Variants in DHX30 observed in about 807,000 individuals in gnomAD.
DHX30 encodes the protein ATP-dependent RNA helicase DHX30.
DHX30 carries 4 observed loss-of-function variants against 116.9 expected under a neutral mutation model. The ratio of observed to expected loss-of-function variants is 0.03; its 90% confidence interval spans 0.02 to 0.08. The LOEUF is 0.08. DHX30 is among the 10% of genes least tolerant of loss of function. The pLI is 1.00. For missense variants in DHX30, 871 were observed against 1,595.1 expected (o/e 0.55, Z 7.73); for synonymous variants, 697 against 651.7 (o/e 1.07, Z -1.06).
intron 3 of DHX30, chr3:47,816,779 T>G (rs2036078960): frequency 1.0e-6 from 1 of 985,300 alleles, no homozygotes; most frequent in Admixed American, 6.2e-5. Context: ...GGAGGAGGGT[T>G]GGAGTGCAGG....
Position 47,850,054 on chromosome 3 carries a change from G to T in DHX30, c.3519G>T (p.Ala1173=), listed in dbSNP as rs779415996. The T allele has an allele frequency of 1.0e-5, 16 of 1,599,646 alleles. No homozygotes were observed. Among genetic ancestry groups the T allele is most frequent in the Non-Finnish European group, 1.4e-5 (16 of 1,174,952 alleles). The change falls in exon 22 of 22, where the codon GCG becomes GCT. Residue 1173 remains alanine, a synonymous_variant. Transcript: ENST00000445061. The part of the protein sequence containing the change: ...SVQEEHGQLL[A]LLAELLRGPC... ...AGGAGGAGCACGGGCAGCTGCTTGC[G>T]CTACTGGCAGAGCTGCTGCGAGGAC...
In DHX30 at chr3:47,806,476, C is replaced by T. The variant is rs533799730; in HGVS notation, c.-28+1056C>T. On this transcript the variant is annotated intron_variant, in intron 2 of 21. Transcript: ENST00000445061. ...CTTTTTTTTTTCTGAGATGGAGTCTCACTCTGTCACCCAGGCTGGAGTACA... is the reference window on the plus strand; with the variant it reads ...CTTTTTTTTTTCTGAGATGGAGTCTTACTCTGTCACCCAGGCTGGAGTACA... Among the ~76,000 whole-genome samples, 6 of 141,882 alleles carry T rather than the reference C, an allele frequency of 4.2e-5. No individual in the cohort carries two copies. The South Asian group carries it at 9.2e-4, about 22-fold the overall frequency. The allele number at this position is 141,882 out of a possible 152,430, so 93.1% of individuals were successfully genotyped here. A position where few individuals can be genotyped will look rare whatever the true frequency, so the allele number is the denominator to read the frequency against.
intron 6 of DHX30, among the ~76,000 whole-genome samples, chr3:47,838,384 C>A (rs1463178188): frequency 1.3e-5 from 2 of 152,174 alleles, no homozygotes; most frequent in Non-Finnish European, 2.9e-5. Flanking sequence ...CATAAAAGTT[C>A]TATCATCCAG....
chr3:47,824,192 G>A (rs191500732), intron 4 of DHX30, among the ~76,000 whole-genome samples: 213 of 151,794 alleles, frequency 1.4e-3, no homozygotes, highest in African/African-American at 5.0e-3. Flanking sequence ...TAGTAGAGAT[G>A]GGGTTTCACC....
chr3:47,813,352 G>A (rs2035888804), intron 3 of DHX30, among the ~76,000 whole-genome samples: 1 of 152,102 alleles, frequency 6.6e-6, no homozygotes, highest in Non-Finnish European at 1.5e-5. Context: ...AAAACAAAAA[G>A]AAATTCTGGC....
intron 3 of DHX30, among the ~76,000 whole-genome samples, chr3:47,814,429 CA>C (rs71625837): frequency 0.47 from 44,572 of 94,214 alleles, 7,252 homozygotes; most frequent in East Asian, 0.57. Flanking sequence ...TGTCTCAAAA[CA>C]AAAAAAAAAA....
intron 3 of DHX30, among the ~76,000 whole-genome samples, chr3:47,814,021 G>T (rs1169208905): frequency 2.6e-5 from 4 of 151,058 alleles, no homozygotes; most frequent in African/African-American, 9.7e-5. Context: ...TAACCAGTGG[G>T]CTTTATTGTC....
intron 6 of DHX30, among the ~76,000 whole-genome samples, chr3:47,835,915 A>G (rs1185066627): frequency 6.6e-6 from 1 of 152,188 alleles, no homozygotes; most frequent in Non-Finnish European, 1.5e-5. Flanking sequence ...CAATGTCTGT[A>G]GGGATTTTCG....
At chr3:47,831,930 C>CTTTTTT (rs147733795) in intron 6 of DHX30, among the ~76,000 whole-genome samples, 108 of 127,416 alleles carry the variant, frequency 8.5e-4, no homozygotes, top group Middle Eastern at 4.5e-3. Context: ...TTTCCTTTTT[C>CTTTTTT]TTTTTTTTTT....
intron 3 of DHX30, among the ~76,000 whole-genome samples, chr3:47,813,891 CTTTTTTTTTTTT>C (rs71070233): frequency 3.7e-5 from 3 of 80,592 alleles, no homozygotes; most frequent in African/African-American, 9.8e-5. Context: ...TCATCCTGGG[CTTTTTTTTTTTT>C]TTTTTTTTTG....
intron 9 of DHX30, among the ~76,000 whole-genome samples, chr3:47,845,136 A>G (rs1467872965): frequency 6.6e-6 from 1 of 152,062 alleles, no homozygotes; most frequent in Non-Finnish European, 1.5e-5. Context: ...CCTTCTCCAG[A>G]CGTAGGGCTG....
intron 9 of DHX30, among the ~76,000 whole-genome samples, chr3:47,844,415 C>T (rs2107124208): frequency 6.6e-6 from 1 of 152,352 alleles, no homozygotes; most frequent in African/African-American, 2.4e-5. Flanking sequence ...TGGTAGGGGC[C>T]TGTCTGGGAA....
Position 47,849,878 on chromosome 3 carries a change from C to T in DHX30, c.3343C>T (p.Arg1115Trp), listed in dbSNP as rs998585446. 14 of 1,612,472 alleles carry T rather than the reference C, an allele frequency of 8.7e-6. No individual in the cohort carries two copies. Among genetic ancestry groups the T allele is most frequent in the Non-Finnish European group, 1.2e-5 (14 of 1,179,014 alleles). The change falls in exon 22 of 22, where the codon CGG (arginine) becomes TGG (tryptophan). Residue 1115 changes from arginine to tryptophan, a missense_variant. Arg to Trp is a moderately radical substitution (Grantham distance 101). Around this residue, in one of 13 missense-constraint regions of DHX30, gnomAD observed 238 missense variants for 481.0 expected, o/e 0.49. Coordinates refer to ENST00000445061, the MANE Select transcript of DHX30 (RefSeq NM_138615.3). ...TTCCATTCCCTCAGATGACGGGCGC[C>T]GGGCCACCATCTCACTGAGCGACAG... ...GDVHIRDDGR[R>W]ATISLSDSDL...
At chr3:47,814,429 C>CAAAAAAA (rs71625837) in intron 3 of DHX30, among the ~76,000 whole-genome samples, 31 of 92,588 alleles carry the variant, frequency 3.3e-4, no homozygotes, top group Non-Finnish European at 4.1e-4. Flanking sequence ...TGTCTCAAAA[C>CAAAAAAA]AAAAAAAAAA....
intron 4 of DHX30, chr3:47,825,316 C>G (rs2036503046): frequency 1.9e-6 from 1 of 536,248 alleles, no homozygotes. Flanking sequence ...GCTAGGGGCG[C>G]GGGCCGAAAT....
chr3:47,835,637 T>C lies in DHX30; in HGVS notation c.367-5240T>C, dbSNP rs140757907. Among the ~76,000 whole-genome samples, 30 of 152,078 alleles carry C rather than the reference T, an allele frequency of 2.0e-4. No individual in the cohort carries two copies. The East Asian group carries it at 5.8e-3, about 29-fold the overall frequency. On this transcript the variant is annotated intron_variant, in intron 6 of 21. Coordinates refer to ENST00000445061, the MANE Select transcript of DHX30 (RefSeq NM_138615.3). ...TTGTACTTTTAGTAGAGATGGGGTT[T>C]CACCATGTTGGCTAGGCTGGTCTCA...
At chr3:47,829,936 A>G (rs908450654) in intron 6 of DHX30, among the ~76,000 whole-genome samples, 2 of 151,154 alleles carry the variant, frequency 1.3e-5, no homozygotes, top group African/African-American at 2.4e-5. Context: ...GGTTCATGCC[A>G]TTCTCCTGCC....
In DHX30 at chr3:47,846,808, A is replaced by C; in HGVS notation, c.1736A>C (p.Gln579Pro). Residue 579 changes from glutamine (Q) to proline (P), a missense_variant, in exon 11 of 22, where the codon CAG becomes CCG. This residue lies in a region of DHX30 where 22 missense variants were observed against 18.8 expected (regional missense o/e 1.17). Coordinates refer to ENST00000445061, the MANE Select transcript of DHX30 (RefSeq NM_138615.3). ...CTGCTGATCCTGCTCAAGGGCCTGC[A>C]GCGGCTCAACCCGGCCCTGCGGCTG... ...DFLLILLKGL[Q>P]RLNPALRLVL... 6.2e-7 allele frequency: 1 copy of C among 1,613,530 alleles called. No homozygotes were observed. The highest frequency in any genetic ancestry group is 8.5e-7 in the Non-Finnish European group (1 of 1,179,916).
intron 7 of DHX30, 50 bp from the exon 8 acceptor site, chr3:47,841,567 A>G: frequency 6.2e-7 from 1 of 1,612,682 alleles, no homozygotes; most frequent in African/African-American, 1.3e-5. Context: ...CCTCAGGGAA[A>G]TTGGTCCAGG....
Sources: gnomAD v4.1 joint callset for allele counts (sites outside exome capture counted in the v4.1 genomes callset) on GRCh38, gnomAD v4.1.1 for gene constraint, gnomAD v4.1.1 regional missense constraint, MANE v1.5 for transcripts, NCBI Gene and HGNC (gene_info 2026-07-23, HGNC 2026-07-21) for gene names.